MAGI1: variants seen among roughly 807,000 people sequenced by gnomAD.
MAGI1 encodes the protein membrane associated guanylate kinase, WW and PDZ domain containing 1, also known as membrane-associated guanylate kinase, WW and PDZ domain-containing protein 1.
A neutral mutation model predicts 139.9 loss-of-function variants in MAGI1; 58 were observed. The observed-to-expected ratio is 0.41, with a 90% CI of 0.34 to 0.52. The LOEUF (loss-of-function observed/expected upper bound fraction) is 0.52, where lower values mean the gene tolerates loss of function less well. Ranked by LOEUF, MAGI1 falls within the 20% of genes least tolerant of loss-of-function variation. MAGI1 has a pLI of 0.12. For missense variants in MAGI1, 1,874 were observed against 1,901.6 expected, an observed-to-expected ratio of 0.99 and a Z score of 0.27; for synonymous variants, 812 against 737.9, an observed-to-expected ratio of 1.10 and a Z score of -1.63.
At chr3:65,635,881 T>G (rs1202502709) in intron 1 of MAGI1, among the ~76,000 whole-genome samples, 1 of 152,228 alleles carries the variant, frequency 6.6e-6, no homozygotes, top group African/African-American at 2.4e-5. Context: ...TGACCTACAT[T>G]GGGAAATCTC....
chr3:65,451,411 T>C (rs181651496), intron 6 of MAGI1, among the ~76,000 whole-genome samples: 1 of 152,364 alleles, frequency 6.6e-6, no homozygotes, highest in Admixed American at 6.5e-5. Flanking sequence ...TGTTTTATGC[T>C]ATGATCTTTG....
intron 1 of MAGI1, among the ~76,000 whole-genome samples, chr3:65,962,247 T>C (rs983230215): frequency 6.6e-6 from 1 of 151,126 alleles, no homozygotes; most frequent in African/African-American, 2.4e-5. Context: ...GCCTCCTGAG[T>C]AGCTGGGACT....
At chr3:65,879,493 T>C (rs17380968) in intron 1 of MAGI1, among the ~76,000 whole-genome samples, 25,963 of 152,110 alleles carry the variant, frequency 0.17, 2,508 homozygotes, top group Middle Eastern at 0.28. Context: ...CTAGGAGACA[T>C]CATGCTTAAA....
chr3:65,987,692 C>A (rs2065950820), intron 1 of MAGI1, among the ~76,000 whole-genome samples: 1 of 134,334 alleles, frequency 7.4e-6, no homozygotes, highest in South Asian at 2.4e-4. Context: ...CCTCCTGGGC[C>A]CAAGCAATTC....
chr3:65,798,031 T>G lies in MAGI1; in HGVS notation c.314-175943A>C, dbSNP rs182931471. ...CCTTAAAAACATAGCCTTGGCCTGG[T>G]GCAGTGGCTCACACCTGTCATCCCA... On this transcript the variant is annotated intron_variant, in intron 1 of 22. Transcript: ENST00000402939. Among the ~76,000 whole-genome samples, 659 of 152,212 alleles carry G rather than the reference T, an allele frequency of 4.3e-3. 3 individuals are homozygous for G. Among genetic ancestry groups the G allele is most frequent in the Non-Finnish European group, 7.0e-3 (474 of 68,014 alleles).
chr3:65,919,553 C>A (rs2062069504), intron 1 of MAGI1, among the ~76,000 whole-genome samples: 1 of 151,540 alleles, frequency 6.6e-6, no homozygotes, highest in African/African-American at 2.4e-5. Context: ...CAGAGCAAGA[C>A]CCTGTCTCAA....
intron 2 of MAGI1, among the ~76,000 whole-genome samples, chr3:65,543,700 A>G (rs891720217): frequency 6.6e-6 from 1 of 151,928 alleles, no homozygotes; most frequent in Non-Finnish European, 1.5e-5. Flanking sequence ...GAGTTGAACA[A>G]TGAGAATACA....
At chr3:65,606,301 A>C (rs2082735010) in intron 2 of MAGI1, among the ~76,000 whole-genome samples, 1 of 152,062 alleles carries the variant, frequency 6.6e-6, no homozygotes, top group Non-Finnish European at 1.5e-5. Flanking sequence ...AGTGCCCTGA[A>C]GGTTATTTTA....
rs139709164 is a variant in MAGI1 at position 65,515,643 on chromosome 3, T to C, written c.431-22012A>G. Among the ~76,000 whole-genome samples the C allele has an allele frequency of 4.9e-3, 751 of 152,216 alleles. 6 individuals are homozygous for C. Among genetic ancestry groups the C allele is most frequent in the African/African-American group, 0.017 (696 of 41,538 alleles). On this transcript the variant is annotated intron_variant, in intron 2 of 22. Coordinates refer to ENST00000402939, the MANE Select transcript of MAGI1 (RefSeq NM_001033057.2). ...ACAAAGACAACAAGTACCCCCACCA[T>C]CCAGAAATAAACCCTATCAACAGTT...
At chr3:65,456,625 G>A (rs1038795967) in intron 5 of MAGI1, among the ~76,000 whole-genome samples, 1 of 151,700 alleles carries the variant, frequency 6.6e-6, no homozygotes, top group East Asian at 1.9e-4. Flanking sequence ...TGGTTTTTTG[G>A]TTCCCTAAAA....
At chr3:65,637,536 A>G (rs1214999821) in intron 1 of MAGI1, among the ~76,000 whole-genome samples, 2 of 147,814 alleles carry the variant, frequency 1.4e-5, no homozygotes, top group South Asian at 2.1e-4. Context: ...CCTAGGTGAC[A>G]TTGAGACCCT....
intron 2 of MAGI1, among the ~76,000 whole-genome samples, chr3:65,515,792 C>T (rs2077841947): frequency 6.6e-6 from 1 of 152,190 alleles, no homozygotes; most frequent in Admixed American, 6.5e-5. Flanking sequence ...AACACCAAAT[C>T]ATATGGTCCA....
intron 1 of MAGI1, among the ~76,000 whole-genome samples, chr3:65,846,491 C>A (rs537512163): frequency 6.6e-6 from 1 of 152,272 alleles, no homozygotes; most frequent in East Asian, 1.9e-4. Flanking sequence ...CTAGATCTTC[C>A]AGAGTGTTAT....
At chr3:65,970,327 G>A (rs1258664205) in intron 1 of MAGI1, among the ~76,000 whole-genome samples, 1 of 152,044 alleles carries the variant, frequency 6.6e-6, no homozygotes, top group Non-Finnish European at 1.5e-5. Context: ...TGGTTGCCAG[G>A]GATCGGGGGT....
chr3:65,549,670 C>A (rs2079723045), intron 2 of MAGI1, among the ~76,000 whole-genome samples: 1 of 152,104 alleles, frequency 6.6e-6, no homozygotes, highest in Non-Finnish European at 1.5e-5. Context: ...TGCCTGCCCG[C>A]CCCCATCCTC....
chr3:65,361,923 G>A (rs1416409897), intron 21 of MAGI1, among the ~76,000 whole-genome samples: 1 of 152,214 alleles, frequency 6.6e-6, no homozygotes, highest in African/African-American at 2.4e-5. Flanking sequence ...TTCCCCAGGT[G>A]AGACTTCAGA....
At chr3:65,958,765 T>C (rs2064258635) in intron 1 of MAGI1, among the ~76,000 whole-genome samples, 1 of 152,042 alleles carries the variant, frequency 6.6e-6, no homozygotes, top group South Asian at 2.1e-4. Context: ...AGCAGGAGGA[T>C]CACTTGAGGC....
At chr3:65,776,816 T>C (rs1462609117) in intron 1 of MAGI1, among the ~76,000 whole-genome samples, 1 of 152,272 alleles carries the variant, frequency 6.6e-6, no homozygotes, top group East Asian at 1.9e-4. Flanking sequence ...CAAAGAGTCA[T>C]TCGATCTCTT....
chr3:65,444,981 G>T (rs1163960930), intron 7 of MAGI1, among the ~76,000 whole-genome samples: 2 of 152,172 alleles, frequency 1.3e-5, no homozygotes, highest in African/African-American at 4.8e-5. Flanking sequence ...CCTAGAATTT[G>T]CCATTTGGTT....
Sources: gnomAD v4.1 joint callset for allele counts (sites outside exome capture counted in the v4.1 genomes callset) on GRCh38, gnomAD v4.1.1 for gene constraint, MANE v1.5 for transcripts, NCBI Gene and HGNC (gene_info 2026-07-23, HGNC 2026-07-21) for gene names.